The following ST6GALNAC3 variants were observed in gnomAD, a reference collection of about 807,000 sequenced individuals.
ST6GALNAC3 encodes ST6 N-acetylgalactosaminide alpha-2,6-sialyltransferase 3.
A neutral mutation model predicts 32.7 loss-of-function variants in ST6GALNAC3; 25 were observed. That is an observed-to-expected ratio of 0.76 (90% CI 0.56 to 1.07). ST6GALNAC3 has a LOEUF of 1.07. Among genes scored for constraint, ST6GALNAC3 ranks in the 50% least tolerant of loss-of-function variants. The pLI, the probability that ST6GALNAC3 is intolerant of heterozygous loss-of-function variation, is 0.00. For synonymous variants in ST6GALNAC3, 129 were observed against 133.1 expected, an observed-to-expected ratio of 0.97 and a Z score of 0.21; for missense variants, 355 against 382.4, an observed-to-expected ratio of 0.93 and a Z score of 0.60.
At chr1:76,151,625 GAA>G (rs897741451) in intron 1 of ST6GALNAC3, among the ~76,000 whole-genome samples, 1 of 152,218 alleles carries the variant, frequency 6.6e-6, no homozygotes, top group Non-Finnish European at 1.5e-5. Context: ...GAACGTCTGG[GAA>G]AGAGTGTAGC....
At chr1:76,305,220 G>A (rs999295261) in intron 1 of ST6GALNAC3, among the ~76,000 whole-genome samples, 14 of 152,082 alleles carry the variant, frequency 9.2e-5, no homozygotes, top group African/African-American at 3.1e-4. Context: ...GCAGCCTTAG[G>A]CAGCATAGTG....
intron 3 of ST6GALNAC3, among the ~76,000 whole-genome samples, chr1:76,533,682 CCT>C (rs1279577430): frequency 1.3e-5 from 2 of 152,266 alleles, no homozygotes; most frequent in African/African-American, 4.8e-5. Flanking sequence ...CTTTCCCATT[CCT>C]CTCTCAGCCT....
At chr1:76,608,754 C>T (rs1262462076) in intron 3 of ST6GALNAC3, among the ~76,000 whole-genome samples, 3 of 152,042 alleles carry the variant, frequency 2.0e-5, no homozygotes, top group East Asian at 1.9e-4. Flanking sequence ...ATGTTACCAA[C>T]GTTTTCCCCT....
chr1:76,266,524 C>G (rs955650872), intron 1 of ST6GALNAC3, among the ~76,000 whole-genome samples: 1 of 152,304 alleles, frequency 6.6e-6, no homozygotes, highest in East Asian at 1.9e-4. Context: ...GCTTCTGGAA[C>G]AGCAGATGTG....
At chr1:76,139,551 TG>T (rs1650185856) in intron 1 of ST6GALNAC3, among the ~76,000 whole-genome samples, 1 of 152,164 alleles carries the variant, frequency 6.6e-6, no homozygotes, top group Admixed American at 6.5e-5. Flanking sequence ...GCTTTTAAAC[TG>T]GTATAGCTTT....
At chr1:76,429,576 A>T (rs1261101870) in intron 3 of ST6GALNAC3, among the ~76,000 whole-genome samples, 2 of 152,148 alleles carry the variant, frequency 1.3e-5, no homozygotes, top group African/African-American at 4.8e-5. Context: ...CATACATCAT[A>T]TTGAAAACAG....
chr1:76,563,704 C>T (rs752861010), intron 3 of ST6GALNAC3, among the ~76,000 whole-genome samples: 2 of 152,130 alleles, frequency 1.3e-5, no homozygotes, highest in Non-Finnish European at 2.9e-5. Flanking sequence ...TGCTGTTTAG[C>T]TATTCAATAT....
At chr1:76,291,871 C>T (rs1228017480) in intron 1 of ST6GALNAC3, among the ~76,000 whole-genome samples, 1 of 152,180 alleles carries the variant, frequency 6.6e-6, no homozygotes, top group Non-Finnish European at 1.5e-5. Flanking sequence ...GTGAATGTCA[C>T]ATTACATAAC....
chr1:76,170,267 C>T (rs956610798), intron 1 of ST6GALNAC3, among the ~76,000 whole-genome samples: 1 of 152,108 alleles, frequency 6.6e-6, no homozygotes, highest in Non-Finnish European at 1.5e-5. Context: ...TGTCGGGGTG[C>T]CTGCCTCCAT....
At position 76,358,853 on chromosome 1, in the gene ST6GALNAC3, C is replaced by T. The variant is rs189828266; in HGVS notation, c.213+44854C>T. On this transcript the variant is annotated intron_variant, in intron 2 of 4. Transcript: ENST00000328299. ...TCCTTCAAACATAGAGGACAAACTGCGTCTTCTGTCTGGGATGCTCTTCTC... is the reference window on the plus strand; with the variant it reads ...TCCTTCAAACATAGAGGACAAACTGTGTCTTCTGTCTGGGATGCTCTTCTC... 2.2e-3 allele frequency among the ~76,000 whole-genome samples: 334 copies of T among 152,278 alleles called. 2 individuals carry two copies. The highest frequency in any genetic ancestry group is 2.8e-3 in the Non-Finnish European group (191 of 68,028).
At chr1:76,386,123 G>GA (rs1652074184) in intron 2 of ST6GALNAC3, among the ~76,000 whole-genome samples, 1 of 151,762 alleles carries the variant, frequency 6.6e-6, no homozygotes, top group Admixed American at 6.6e-5. Context: ...CCTGGACTCT[G>GA]AAAGCCTATA....
Position 76,633,616 on chromosome 1 carries a change from G to A in ST6GALNAC3, c.*4810G>A, listed in dbSNP as rs995791761. The A allele has an allele frequency of 2.6e-5, 4 of 152,126 alleles. No homozygotes were observed. Among genetic ancestry groups the A allele is most frequent in the African/African-American group, 9.7e-5 (4 of 41,418 alleles). 9.4% of individuals were successfully genotyped at this position (152,126 alleles called of 1,614,324 possible). On this transcript the variant is annotated 3_prime_UTR_variant, in exon 5 of 5. Transcript: ENST00000328299. ...GTTGACATTTCCCCAGAGCTAAAAT[G>A]TCCTCATACTCAAACCAACTGTGCT...
At chr1:76,252,476 G>A (rs1657677177) in intron 1 of ST6GALNAC3, among the ~76,000 whole-genome samples, 2 of 152,082 alleles carry the variant, frequency 1.3e-5, no homozygotes, top group South Asian at 2.1e-4. Flanking sequence ...GTGTGTATCT[G>A]TTATCTAACC....
At chr1:76,444,048 G>A in intron 3 of ST6GALNAC3, among the ~76,000 whole-genome samples, 1 of 152,226 alleles carries the variant, frequency 6.6e-6, no homozygotes. Flanking sequence ...AGAATTAGAA[G>A]TCAAGAAGTT....
chr1:76,528,804 G>A (rs747257447), intron 3 of ST6GALNAC3, among the ~76,000 whole-genome samples: 1 of 151,042 alleles, frequency 6.6e-6, no homozygotes, highest in East Asian at 1.9e-4. Context: ...GGCAAAATCA[G>A]CTCACCATAG....
At chr1:76,305,590 A>G (rs1450666457) in intron 1 of ST6GALNAC3, among the ~76,000 whole-genome samples, 3 of 152,116 alleles carry the variant, frequency 2.0e-5, no homozygotes, top group Admixed American at 6.6e-5. Context: ...CGGGAAAGAC[A>G]ATATCAAGAG....
chr1:76,187,374 A>G (rs1653621629), intron 1 of ST6GALNAC3, among the ~76,000 whole-genome samples: 1 of 152,192 alleles, frequency 6.6e-6, no homozygotes, highest in Admixed American at 6.5e-5. Context: ...TTTTACTCTC[A>G]GGCTGTACGT....
intron 1 of ST6GALNAC3, among the ~76,000 whole-genome samples, chr1:76,253,952 C>T (rs1356308318): frequency 6.6e-6 from 1 of 152,110 alleles, no homozygotes; most frequent in African/African-American, 2.4e-5. Context: ...CCTCAATGGC[C>T]AATCAGCAGT....
chr1:76,309,906 C>T (rs1646724384), intron 1 of ST6GALNAC3: 1 of 459,102 alleles, frequency 2.2e-6, no homozygotes, highest in East Asian at 6.7e-5. Context: ...AGGGAGCAGG[C>T]TTTTACAACT....
Sources: gnomAD v4.1 joint callset for allele counts (sites outside exome capture counted in the v4.1 genomes callset) on GRCh38, gnomAD v4.1.1 for gene constraint, MANE v1.5 for transcripts, NCBI Gene and HGNC (gene_info 2026-07-23, HGNC 2026-07-21) for gene names.